The following RELN variants were observed in gnomAD, a reference collection of about 807,000 sequenced individuals.
RELN encodes reelin.
Under a neutral mutation model 427.6 loss-of-function variants are expected in RELN, and 108 were observed. That is an observed-to-expected ratio of 0.25 (90% CI 0.22 to 0.30). The LOEUF is 0.30. RELN is among the 10% of genes least tolerant of loss of function. The probability of loss-of-function intolerance (pLI) is 1.00; values close to 1 mark genes in which losing one functional copy is unlikely to be tolerated. For synonymous variants in RELN, 1,524 were observed against 1,513.4 expected (o/e 1.01, Z -0.16); for missense variants, 3,715 against 4,302.8 (o/e 0.86, Z 3.82).
chr7:103,978,157 C>T (rs1403292480), intron 1 of RELN, among the ~76,000 whole-genome samples: 1 of 152,146 alleles, frequency 6.6e-6, no homozygotes, highest in Non-Finnish European at 1.5e-5. Flanking sequence ...CCATGTTGTA[C>T]AATAGATCTC....
intron 2 of RELN, among the ~76,000 whole-genome samples, chr7:103,859,916 T>C (rs541818903): frequency 1.4e-4 from 21 of 152,220 alleles, no homozygotes; most frequent in Non-Finnish European, 4.4e-5. Flanking sequence ...CCAAGATGAC[T>C]TCATTAAAAA....
chr7:103,961,558 T>G (rs1796554205), intron 1 of RELN, among the ~76,000 whole-genome samples: 2 of 152,210 alleles, frequency 1.3e-5, no homozygotes, highest in Non-Finnish European at 2.9e-5. Flanking sequence ...GAGCAAAGCG[T>G]ATACAAACAT....
At chr7:103,686,867 T>C (rs1477435811) in intron 10 of RELN, among the ~76,000 whole-genome samples, 1 of 152,086 alleles carries the variant, frequency 6.6e-6, no homozygotes, top group Non-Finnish European at 1.5e-5. Context: ...CAAAATAAAT[T>C]TCTATCATTT....
At chr7:103,686,954 G>A (rs900174992) in intron 10 of RELN, among the ~76,000 whole-genome samples, 1 of 152,124 alleles carries the variant, frequency 6.6e-6, no homozygotes, top group Non-Finnish European at 1.5e-5. Flanking sequence ...TCCAGGTGCA[G>A]GAGGGCTGAA....
chr7:103,619,380 G>A (rs1032315316), intron 20 of RELN, among the ~76,000 whole-genome samples: 22 of 152,274 alleles, frequency 1.4e-4, no homozygotes, highest in African/African-American at 4.6e-4. Flanking sequence ...AAGCCACAGA[G>A]AGCAGCTCCT....
intron 53 of RELN, among the ~76,000 whole-genome samples, chr7:103,498,861 A>ATTTG (rs1303677811): frequency 2.6e-5 from 4 of 152,176 alleles, no homozygotes; most frequent in Admixed American, 1.3e-4. Context: ...AAACATGTAT[A>ATTTG]TTTGTTTATA....
intron 28 of RELN, among the ~76,000 whole-genome samples, chr7:103,576,893 T>C (rs1415592456): frequency 1.3e-5 from 2 of 152,160 alleles, no homozygotes; most frequent in Non-Finnish European, 2.9e-5. Flanking sequence ...TTGTCCCAAT[T>C]GCTTTCCAAT....
chr7:103,496,772 T>C lies in RELN; in HGVS notation c.8951-4A>G. 6.2e-7 allele frequency: 1 copy of C among 1,613,692 alleles called. No homozygotes were observed. ...TGGAGCAAAGTCCAGGTAATTCCTATAATAACAAATATACCAACATAGCAA... is the reference window on the plus strand; with the variant it reads ...TGGAGCAAAGTCCAGGTAATTCCTACAATAACAAATATACCAACATAGCAA... On this transcript the variant is annotated splice_region_variant and splice_polypyrimidine_tract_variant and intron_variant, in intron 55 of 64. Coordinates refer to ENST00000428762, the MANE Select transcript of RELN (RefSeq NM_005045.4).
At chr7:103,658,876 T>C (rs917887000) in intron 12 of RELN, among the ~76,000 whole-genome samples, 14 of 151,780 alleles carry the variant, frequency 9.2e-5, no homozygotes, top group Admixed American at 4.0e-4. Context: ...CAAACCACTG[T>C]CTTCCTTCCT....
intron 2 of RELN, among the ~76,000 whole-genome samples, chr7:103,845,334 A>G (rs1793649505): frequency 1.3e-5 from 2 of 152,100 alleles, no homozygotes; most frequent in Non-Finnish European, 2.9e-5. Flanking sequence ...GGCATGCGTC[A>G]CCACGCCTGG....
chr7:103,922,631 T>A (rs1254221100), intron 1 of RELN, among the ~76,000 whole-genome samples: 1 of 152,188 alleles, frequency 6.6e-6, no homozygotes, highest in Non-Finnish European at 1.5e-5. Context: ...AAAGAGTACC[T>A]CTGTCTTGAA....
chr7:103,719,851 G>A (rs1305216105), intron 8 of RELN, among the ~76,000 whole-genome samples: 2 of 152,126 alleles, frequency 1.3e-5, no homozygotes, highest in African/African-American at 2.4e-5. Flanking sequence ...GCACAGAAAT[G>A]GATAAGAGAT....
chr7:103,667,853 T>A (rs1833304711), intron 11 of RELN, among the ~76,000 whole-genome samples: 1 of 152,204 alleles, frequency 6.6e-6, no homozygotes, highest in Non-Finnish European at 1.5e-5. Flanking sequence ...GAAATAATTT[T>A]TAGGAACACC....
At chr7:103,676,988 T>C (rs1044523093) in intron 11 of RELN, among the ~76,000 whole-genome samples, 1 of 151,302 alleles carries the variant, frequency 6.6e-6, no homozygotes, top group African/African-American at 2.4e-5. Flanking sequence ...TGTATACATA[T>C]GTAACAAACC....
intron 1 of RELN, among the ~76,000 whole-genome samples, chr7:103,979,666 G>T (rs565817619): frequency 6.6e-6 from 1 of 152,164 alleles, no homozygotes; most frequent in Non-Finnish European, 1.5e-5. Context: ...GACTTCTACC[G>T]TGTGCCACAT....
At chr7:103,534,010 G>A (rs765767096) in intron 46 of RELN, among the ~76,000 whole-genome samples, 1 of 152,140 alleles carries the variant, frequency 6.6e-6, no homozygotes, top group Non-Finnish European at 1.5e-5. Context: ...CAACTCTGCT[G>A]ACAGTTAATA....
intron 61 of RELN, among the ~76,000 whole-genome samples, chr7:103,485,832 C>A (rs1335474502): frequency 6.6e-6 from 1 of 152,188 alleles, no homozygotes. Flanking sequence ...TGCATTGCTA[C>A]AAATTTATTT....
At chr7:103,898,085 T>C (rs1795001304) in intron 2 of RELN, among the ~76,000 whole-genome samples, 1 of 152,040 alleles carries the variant, frequency 6.6e-6, no homozygotes, top group East Asian at 1.9e-4. Flanking sequence ...GTTTCTTAAG[T>C]AGGTGAGTGT....
rs1793186916 is a variant in RELN at position 103,828,151 on chromosome 7, G to A, written c.473+5386C>T. 2.0e-5 allele frequency among the ~76,000 whole-genome samples: 3 copies of A among 151,946 alleles called. No homozygotes were observed. The South Asian group carries it at 6.2e-4, about 31-fold the overall frequency. ...GGGCAACCATGCAATATTTTCTGAA[G>A]AATTCTCCAGACAGTCTAGAATGGC... On this transcript the variant is annotated intron_variant, in intron 3 of 64. Transcript: ENST00000428762.
Sources: gnomAD v4.1 joint callset for allele counts (sites outside exome capture counted in the v4.1 genomes callset) on GRCh38, gnomAD v4.1.1 for gene constraint, MANE v1.5 for transcripts, NCBI Gene and HGNC (gene_info 2026-07-23, HGNC 2026-07-21) for gene names.